Variants in ZNF496 observed in about 807,000 individuals in gnomAD.
The protein encoded by ZNF496 is zinc finger protein 496.
ZNF496 carries 11 observed loss-of-function variants against 58.9 expected under a neutral mutation model. The ratio of observed to expected loss-of-function variants is 0.19; its 90% confidence interval spans 0.12 to 0.31. ZNF496 has a LOEUF of 0.31. Among genes scored for constraint, ZNF496 ranks in the 10% least tolerant of loss-of-function variants. ZNF496 has a pLI of 1.00. For missense variants in ZNF496, 660 were observed against 783.0 expected (o/e 0.84, Z 1.88); for synonymous variants, 338 against 318.2 (o/e 1.06, Z -0.66).
chr1:247,301,349 A>G, intron 9 of ZNF496, 73 bp from the exon 10 acceptor site: 1 of 1,468,262 alleles, frequency 6.8e-7, no homozygotes, highest in Middle Eastern at 1.8e-4. Context: ...GCGGCGGAGG[A>G]ACACTCAGCT....
At chr1:247,322,867 G>A in intron 6 of ZNF496, 2 of 1,128,300 alleles carry the variant, frequency 1.8e-6, no homozygotes, top group Non-Finnish European at 2.4e-6. Flanking sequence ...GACATGCTGA[G>A]AGGCCCATCA....
At position 247,309,969 on chromosome 1, in the gene ZNF496, C is replaced by T. The variant is rs1659540136; in HGVS notation, c.785-163G>A. On this transcript the variant is annotated intron_variant, in intron 7 of 9. Transcript: ENST00000682384. The surrounding 1 kb of genome is among the most constrained non-coding windows in gnomAD (Gnocchi z 4.3). Reference sequence around the variant, plus strand: ...GCTGGCAGTGCAGGGGCAGTGGGGGCAGCACACGCAGGGAGAGCTATGGGC... The same window carrying T: ...GCTGGCAGTGCAGGGGCAGTGGGGGTAGCACACGCAGGGAGAGCTATGGGC... 3.0e-6 allele frequency: 4 copies of T among 1,313,486 alleles called. No individual in the cohort carries two copies. The highest frequency in any genetic ancestry group is 2.7e-5 in the Admixed American group (1 of 36,460). 81.4% of individuals were successfully genotyped at this position (1,313,486 alleles called of 1,614,324 possible). A position where few individuals can be genotyped will look rare whatever the true frequency, so the allele number is the denominator to read the frequency against.
intron 9 of ZNF496, among the ~76,000 whole-genome samples, chr1:247,305,204 G>A (rs185615267): frequency 1.3e-5 from 2 of 152,258 alleles, no homozygotes; most frequent in Admixed American, 1.3e-4. Flanking sequence ...GAACACGGGA[G>A]GCAGAGGTTG....
Position 247,300,969 on chromosome 1 carries a change from C to G in ZNF496, c.1314G>C (p.Ser438=). The change falls in exon 10 of 10, where the codon TCG becomes TCC. Residue 438 remains serine (S), a synonymous_variant. Transcript: ENST00000682384. The surrounding 1 kb of genome is among the most constrained non-coding windows in gnomAD (Gnocchi z 5.7). ...RREQEKPHEC[S]VCGELFSDSE... ...TGTCGCTGAACAGCTCCCCGCACAC[C>G]GAGCACTCGTGCGGCTTCTCCTGCT... The G allele has an allele frequency of 6.2e-7, 1 of 1,613,924 alleles. No individual in the cohort carries two copies. Among genetic ancestry groups the G allele is most frequent in the Non-Finnish European group, 8.5e-7 (1 of 1,180,052 alleles).
chr1:247,321,884 C>T (rs575218388), intron 6 of ZNF496, among the ~76,000 whole-genome samples: 24 of 152,350 alleles, frequency 1.6e-4, no homozygotes, highest in Non-Finnish European at 2.8e-4. Flanking sequence ...GGTAAACAGG[C>T]GTGTGCCACA....
intron 6 of ZNF496, among the ~76,000 whole-genome samples, chr1:247,317,981 A>C (rs987525177): frequency 6.6e-6 from 1 of 152,210 alleles, no homozygotes; most frequent in Admixed American, 6.5e-5. Context: ...ACTCCAAACA[A>C]ACGAAAAAAT....
At chr1:247,313,490 G>C (rs1018172735) in intron 6 of ZNF496, 1 of 152,252 alleles carries the variant, frequency 6.6e-6, no homozygotes, top group African/African-American at 2.4e-5. Context: ...CAAGGATGTG[G>C]AGAAACAGGT....
intron 5 of ZNF496, among the ~76,000 whole-genome samples, chr1:247,327,543 T>C (rs1390082102): frequency 2.6e-5 from 4 of 152,244 alleles, no homozygotes; most frequent in Non-Finnish European, 5.9e-5. Flanking sequence ...CAGTCTGTGG[T>C]ACTTTGTTAT....
intron 6 of ZNF496, among the ~76,000 whole-genome samples, chr1:247,320,720 A>G (rs1160606280): frequency 6.6e-6 from 1 of 152,242 alleles, no homozygotes; most frequent in Admixed American, 6.5e-5. Context: ...AAATGAGAAG[A>G]TTCATTTAAA....
Position 247,308,799 on chromosome 1 carries a change from G to A in ZNF496, c.893-211C>T, listed in dbSNP as rs1047387731. 2.8e-5 allele frequency: 15 copies of A among 534,234 alleles called. No homozygotes were observed. The highest frequency in any genetic ancestry group is 1.3e-4 in the East Asian group (4 of 30,298). The allele number at this position is 534,234 out of a possible 1,614,324, so 33.1% of individuals were successfully genotyped here. On this transcript the variant is annotated intron_variant, in intron 8 of 9. Coordinates refer to ENST00000682384, the MANE Select transcript of ZNF496 (RefSeq NM_032752.3). The surrounding 1 kb of genome is among the most constrained non-coding windows in gnomAD (Gnocchi z 4.5). Reference sequence around the variant, plus strand: ...CAACTCCACAAACATGAGCTCTGACGCTAGACAGAATCGACGTAGATCCGG... The same window carrying A: ...CAACTCCACAAACATGAGCTCTGACACTAGACAGAATCGACGTAGATCCGG...
intron 5 of ZNF496, among the ~76,000 whole-genome samples, chr1:247,325,857 C>T (rs1388665156): frequency 6.6e-6 from 1 of 151,936 alleles, no homozygotes; most frequent in Non-Finnish European, 1.5e-5. Flanking sequence ...GTAGCTATCC[C>T]AGATATTCAT....
Position 247,322,849 on chromosome 1 carries a change from G to A in ZNF496, c.651+305C>T, listed in dbSNP as rs528352999. On this transcript the variant is annotated intron_variant, in intron 6 of 9. Coordinates refer to ENST00000682384, the MANE Select transcript of ZNF496 (RefSeq NM_032752.3). ...GAGAGATCTCCTTTTTCACAAGAGG[G>A]GAACTTAGACATGCTGAGAGGCCCA... 101 of 1,253,244 alleles carry A rather than the reference G, an allele frequency of 8.1e-5. 1 individual carries two copies. Among genetic ancestry groups the A allele is most frequent in the Non-Finnish European group, 1.1e-4 (99 of 936,692 alleles). The allele number at this position is 1,253,244 out of a possible 1,614,324, so 77.6% of individuals were successfully genotyped here.
intron 6 of ZNF496, among the ~76,000 whole-genome samples, chr1:247,318,911 G>A (rs1423357123): frequency 1.4e-5 from 2 of 142,622 alleles, no homozygotes; most frequent in African/African-American, 5.1e-5. Context: ...TGTATGTAGA[G>A]GAAATATTTA....
intron 6 of ZNF496, chr1:247,322,621 C>A: frequency 1.1e-6 from 1 of 930,282 alleles, no homozygotes; most frequent in Non-Finnish European, 1.5e-6. Context: ...GACTCTGACT[C>A]CTCAGAGCAC....
At chr1:247,321,098 C>A (rs901299930) in intron 6 of ZNF496, among the ~76,000 whole-genome samples, 5 of 151,998 alleles carry the variant, frequency 3.3e-5, no homozygotes, top group African/African-American at 4.8e-5. Context: ...ATTGCTTGAA[C>A]CCGGGATGCG....
rs924187136 is a variant in ZNF496 at position 247,309,364 on chromosome 1, T to C, written c.892+335A>G. 19 of 1,125,006 alleles carry C rather than the reference T, an allele frequency of 1.7e-5. No individual in the cohort carries two copies. The African/African-American group carries it at 3.1e-4, about 18-fold the overall frequency. 69.7% of individuals were successfully genotyped at this position (1,125,006 alleles called of 1,614,324 possible). On this transcript the variant is annotated intron_variant, in intron 8 of 9. Transcript: ENST00000682384. This position sits in a 1 kb window ranked among gnomAD's most constrained non-coding sequence, Gnocchi z 4.3. ...AGTTAGGAGACACTCCCTCTGCAAC[T>C]AGGCTTGTCATGAGTATCTGACTTC...
chr1:247,301,683 G>A (rs1316870701), intron 9 of ZNF496, among the ~76,000 whole-genome samples: 2 of 152,144 alleles, frequency 1.3e-5, no homozygotes. Flanking sequence ...GATAGTGAAA[G>A]GACTTGAGAG....
At chr1:247,312,348 C>T (rs1659627748) in intron 6 of ZNF496, 1 of 152,236 alleles carries the variant, frequency 6.6e-6, no homozygotes, top group Non-Finnish European at 1.5e-5. Flanking sequence ...CCACACGTTT[C>T]TCATTTCCAT....
At chr1:247,310,520 C>T in intron 6 of ZNF496, 64 bp from the exon 7 acceptor site, 2 of 1,592,938 alleles carry the variant, frequency 1.3e-6, no homozygotes, top group Non-Finnish European at 1.7e-6. Context: ...AGTCTTAGTC[C>T]ACTGAGGCTG....
Sources: allele counts gnomAD v4.1 joint callset (sites outside exome capture counted in the v4.1 genomes callset), GRCh38; gene constraint gnomAD v4.1.1; non-coding constraint Gnocchi (gnomAD v3.1); transcripts MANE v1.5; gene names NCBI Gene and HGNC (gene_info 2026-07-23, HGNC 2026-07-21).